The following EPB41 variants were observed in gnomAD, a reference collection of about 807,000 sequenced individuals.
EPB41 encodes protein 4.1.
A neutral mutation model predicts 108.0 loss-of-function variants in EPB41; 65 were observed. The observed-to-expected ratio is 0.60, with a 90% CI of 0.49 to 0.74. EPB41 has a LOEUF of 0.74. Among genes scored for constraint, EPB41 ranks in the 30% least tolerant of loss-of-function variants. The pLI is 0.00. For missense variants in EPB41, 875 were observed against 1,037.0 expected, an observed-to-expected ratio of 0.84 and a Z score of 2.15; for synonymous variants, 336 against 358.9, an observed-to-expected ratio of 0.94 and a Z score of 0.72.
At chr1:28,960,844 C>A (rs952432527) in intron 1 of EPB41, among the ~76,000 whole-genome samples, 2 of 151,876 alleles carry the variant, frequency 1.3e-5, no homozygotes, top group Non-Finnish European at 2.9e-5. Flanking sequence ...ACCAGCCTGG[C>A]CAACATGGTG....
At chr1:28,984,400 T>C (rs540606991) in intron 1 of EPB41, among the ~76,000 whole-genome samples, 4 of 152,336 alleles carry the variant, frequency 2.6e-5, no homozygotes, top group African/African-American at 9.6e-5. Flanking sequence ...ATTTTGAATT[T>C]TTCTTTCATT....
At chr1:28,920,669 T>TA (rs1237607724) in intron 1 of EPB41, among the ~76,000 whole-genome samples, 1 of 152,156 alleles carries the variant, frequency 6.6e-6, no homozygotes, top group Non-Finnish European at 1.5e-5. Context: ...GACAGGGTCT[T>TA]ACTCCTGTCA....
At chr1:29,005,017 C>A (rs2096374492) in intron 4 of EPB41, among the ~76,000 whole-genome samples, 1 of 151,958 alleles carries the variant, frequency 6.6e-6, no homozygotes, top group African/African-American at 2.4e-5. Context: ...AACATTATGA[C>A]CTAAGGTTGT....
intron 1 of EPB41, among the ~76,000 whole-genome samples, chr1:28,895,637 G>A (rs1269688726): frequency 6.6e-6 from 1 of 152,108 alleles, no homozygotes; most frequent in Non-Finnish European, 1.5e-5. Flanking sequence ...CTACAGGCGT[G>A]CACCACCATT....
chr1:29,089,044 C>T (rs997671605), intron 16 of EPB41, among the ~76,000 whole-genome samples: 7 of 152,042 alleles, frequency 4.6e-5, no homozygotes, highest in African/African-American at 1.7e-4. Flanking sequence ...GCTTTAGAAC[C>T]AGAGATAGAT....
At chr1:28,901,427 G>A (rs1295454172) in intron 1 of EPB41, among the ~76,000 whole-genome samples, 6 of 151,450 alleles carry the variant, frequency 4.0e-5, no homozygotes, top group Admixed American at 2.6e-4. Flanking sequence ...GTTTCACCAT[G>A]TTGGCCAGGG....
chr1:28,936,930 A>G (rs536658487), intron 1 of EPB41, among the ~76,000 whole-genome samples: 3 of 152,322 alleles, frequency 2.0e-5, no homozygotes, highest in African/African-American at 7.2e-5. Flanking sequence ...ATATGTAACT[A>G]GGAGTAGAAT....
intron 16 of EPB41, among the ~76,000 whole-genome samples, chr1:29,087,087 G>T (rs767970525): frequency 2.6e-5 from 4 of 151,460 alleles, no homozygotes; most frequent in South Asian, 2.1e-4. Context: ...AACTACAGGC[G>T]CCCGCCACCA....
intron 11 of EPB41, among the ~76,000 whole-genome samples, chr1:29,043,633 G>A (rs1037496310): frequency 6.6e-6 from 1 of 152,188 alleles, no homozygotes; most frequent in African/African-American, 2.4e-5. Flanking sequence ...AAGTGAGGTC[G>A]GAGAAGTAGG....
At position 28,991,440 on chromosome 1, in the gene EPB41, A is replaced by G. The variant is rs1037227035; in HGVS notation, c.469-1890A>G. ...ATTTTGGGGCTGAGTGTGGTGGCTC[A>G]TGCCTGTAAATCCAGCACTCTGGGA... On this transcript the variant is annotated intron_variant, in intron 2 of 20. Coordinates refer to ENST00000343067, the MANE Select transcript of EPB41 (RefSeq NM_001376013.1). Among the ~76,000 whole-genome samples, 14 of 152,082 alleles carry G rather than the reference A, an allele frequency of 9.2e-5. No individual in the cohort carries two copies. The East Asian group carries it at 2.7e-3, about 29-fold the overall frequency.
At chr1:28,906,788 T>TA (rs542547524) in intron 1 of EPB41, among the ~76,000 whole-genome samples, 2 of 151,734 alleles carry the variant, frequency 1.3e-5, no homozygotes, top group African/African-American at 4.8e-5. Flanking sequence ...TTCTTTTTTT[T>TA]TTTTTGAGAC....
chr1:28,931,641 G>C (rs1222707925), intron 1 of EPB41, among the ~76,000 whole-genome samples: 1 of 150,582 alleles, frequency 6.6e-6, no homozygotes, highest in African/African-American at 2.4e-5. Flanking sequence ...CAGTTCTCCT[G>C]CCTCAGCCTC....
At chr1:29,106,899 C>G in intron 17 of EPB41, among the ~76,000 whole-genome samples, 1 of 148,534 alleles carries the variant, frequency 6.7e-6, no homozygotes, top group East Asian at 2.2e-4. Flanking sequence ...AATGAGAAAA[C>G]TAGACTGGGT....
At chr1:29,066,901 C>G (rs1648242041) in intron 16 of EPB41, among the ~76,000 whole-genome samples, 1 of 151,602 alleles carries the variant, frequency 6.6e-6, no homozygotes, top group African/African-American at 2.4e-5. Flanking sequence ...TCTCAAACTC[C>G]TGACCTCAGG....
chr1:28,966,561 C>T (rs1331195280), intron 1 of EPB41, among the ~76,000 whole-genome samples: 1 of 152,112 alleles, frequency 6.6e-6, no homozygotes, highest in Non-Finnish European at 1.5e-5. Flanking sequence ...CAAGTAAAAA[C>T]CATATAGTAT....
At chr1:28,973,694 C>T (rs929844966) in intron 1 of EPB41, among the ~76,000 whole-genome samples, 1 of 152,080 alleles carries the variant, frequency 6.6e-6, no homozygotes. Context: ...TGTGCCCAAC[C>T]CCATTTGTTT....
intron 1 of EPB41, among the ~76,000 whole-genome samples, chr1:28,921,608 CT>C (rs953925778): frequency 4.0e-5 from 6 of 151,780 alleles, no homozygotes; most frequent in African/African-American, 1.4e-4. Flanking sequence ...GCCCTTTTCT[CT>C]TTTTTTTAAT....
intron 12 of EPB41, among the ~76,000 whole-genome samples, chr1:29,057,139 G>A (rs1645612399): frequency 6.6e-6 from 1 of 151,882 alleles, no homozygotes; most frequent in Non-Finnish European, 1.5e-5. Context: ...CACTTTGGAC[G>A]GCTGAGGCGG....
At chr1:29,102,522 T>TC (rs1355036940) in intron 17 of EPB41, among the ~76,000 whole-genome samples, 12 of 152,166 alleles carry the variant, frequency 7.9e-5, no homozygotes, top group African/African-American at 2.9e-4. Context: ...AACTGACTTT[T>TC]CACTGTAAAA....
Sources: allele counts gnomAD v4.1 joint callset (sites outside exome capture counted in the v4.1 genomes callset), GRCh38; gene constraint gnomAD v4.1.1; transcripts MANE v1.5; gene names NCBI Gene and HGNC (gene_info 2026-07-23, HGNC 2026-07-21).